The following EPHA4 variants were observed in gnomAD, a reference collection of about 807,000 sequenced individuals.
EPHA4 encodes the protein EPH receptor A4, also known as ephrin type-A receptor 4.
In EPHA4, 19 loss-of-function variants were observed where a neutral mutation model predicts 108.3. The observed-to-expected ratio is 0.18, with a 90% CI of 0.12 to 0.26. The LOEUF (loss-of-function observed/expected upper bound fraction) is 0.26. Among genes scored for constraint, EPHA4 ranks in the 10% least tolerant of loss-of-function variants. The pLI is 1.00. For synonymous variants in EPHA4, 449 were observed against 455.5 expected, an observed-to-expected ratio of 0.99 and a Z score of 0.18; for missense variants, 917 against 1,254.0, an observed-to-expected ratio of 0.73 and a Z score of 4.06.
At chr2:221,551,466 A>T (rs750400416) in intron 3 of EPHA4, among the ~76,000 whole-genome samples, 2 of 152,172 alleles carry the variant, frequency 1.3e-5, no homozygotes, top group Non-Finnish European at 2.9e-5. Flanking sequence ...ACGGTAAAAC[A>T]TTACTTCTCT....
intron 3 of EPHA4, among the ~76,000 whole-genome samples, chr2:221,513,380 C>T (rs1692888640): frequency 6.6e-6 from 1 of 152,172 alleles, no homozygotes; most frequent in Non-Finnish European, 1.5e-5. Flanking sequence ...TGATTAACTC[C>T]GGCAGCAGCA....
intron 5 of EPHA4, among the ~76,000 whole-genome samples, chr2:221,458,342 C>A (rs1691027324): frequency 6.6e-6 from 1 of 152,158 alleles, no homozygotes; most frequent in Non-Finnish European, 1.5e-5. Flanking sequence ...CTTTGGAAGA[C>A]CTCATTTTAA....
intron 3 of EPHA4, among the ~76,000 whole-genome samples, chr2:221,551,724 G>A (rs1298652527): frequency 6.6e-6 from 1 of 152,078 alleles, no homozygotes; most frequent in Non-Finnish European, 1.5e-5. Context: ...TCCTATGGAG[G>A]AAAACTTCCA....
chr2:221,541,256 C>G (rs1055720831), intron 3 of EPHA4, among the ~76,000 whole-genome samples: 5 of 152,108 alleles, frequency 3.3e-5, no homozygotes, highest in African/African-American at 1.2e-4. Context: ...GGACTGAGAA[C>G]TAAGTCTTGC....
At chr2:221,541,139 A>G (rs1229060101) in intron 3 of EPHA4, among the ~76,000 whole-genome samples, 1 of 151,974 alleles carries the variant, frequency 6.6e-6, no homozygotes. Flanking sequence ...CTGTAGAGAC[A>G]AAGTCTTGCT....
chr2:221,418,784 C>T lies in EPHA4; in HGVS notation c.*2588G>A, dbSNP rs957466. Reference sequence around the variant, plus strand: ...CTCGGCCAGGGCTTGCCCACGGGCTCAGACCCAGACCCTGAAGTTGGCCTC... The same window carrying T: ...CTCGGCCAGGGCTTGCCCACGGGCTTAGACCCAGACCCTGAAGTTGGCCTC... On this transcript the variant is annotated 3_prime_UTR_variant, in exon 18 of 18. Coordinates refer to ENST00000281821, the MANE Select transcript of EPHA4 (RefSeq NM_004438.5). 69,777 of 152,010 alleles carry T rather than the reference C, an allele frequency of 0.46. 16,623 individuals carry two copies. Among genetic ancestry groups the T allele is most frequent in the African/African-American group, 0.59 (24,223 of 41,316 alleles). 9.4% of individuals were successfully genotyped at this position (152,010 alleles called of 1,614,324 possible).
At chr2:221,526,486 C>T (rs746825162) in intron 3 of EPHA4, among the ~76,000 whole-genome samples, 5 of 151,692 alleles carry the variant, frequency 3.3e-5, no homozygotes, top group Middle Eastern at 3.4e-3. Flanking sequence ...CTGATATACA[C>T]GTCTCAAAGG....
At chr2:221,498,484 A>T (rs1167342547) in intron 4 of EPHA4, among the ~76,000 whole-genome samples, 3 of 152,214 alleles carry the variant, frequency 2.0e-5, no homozygotes, top group Non-Finnish European at 4.4e-5. Flanking sequence ...AAATATTTAC[A>T]TTGGAAAAGA....
chr2:221,482,787 G>A, intron 4 of EPHA4, 97 bp from the exon 5 acceptor site: 1 of 1,155,214 alleles, frequency 8.7e-7, no homozygotes. Context: ...CCAAAGCAAG[G>A]CAAACCCACT....
At chr2:221,435,847 A>C (rs1010906259) in intron 13 of EPHA4, among the ~76,000 whole-genome samples, 1 of 152,148 alleles carries the variant, frequency 6.6e-6, no homozygotes, top group African/African-American at 2.4e-5. Flanking sequence ...TTTGGTAGCC[A>C]ACCAACTAGA....
At chr2:221,483,528 G>A (rs1415992858) in intron 4 of EPHA4, among the ~76,000 whole-genome samples, 1 of 151,752 alleles carries the variant, frequency 6.6e-6, no homozygotes, top group Non-Finnish European at 1.5e-5. Context: ...GTGTGTGTGT[G>A]TGTGTGTGAT....
chr2:221,555,883 T>C (rs1290031212), intron 3 of EPHA4, among the ~76,000 whole-genome samples: 2 of 152,222 alleles, frequency 1.3e-5, no homozygotes, highest in African/African-American at 4.8e-5. Flanking sequence ...AAATAAAATG[T>C]CATTCTTCTA....
At chr2:221,545,770 C>A (rs1693978913) in intron 3 of EPHA4, among the ~76,000 whole-genome samples, 1 of 152,172 alleles carries the variant, frequency 6.6e-6, no homozygotes. Context: ...GCAGTACACA[C>A]ATTCACATAC....
In EPHA4 at chr2:221,436,628, G is replaced by C; in HGVS notation, c.2137-20C>G. On this transcript the variant is annotated intron_variant, in intron 12 of 17. Coordinates refer to ENST00000281821, the MANE Select transcript of EPHA4 (RefSeq NM_004438.5). ...ATTTTTCTGCATAGAAAAGGAGTGA[G>C]GAACAATCTCATTAGCATTAGGCCA... 6.2e-7 allele frequency: 1 copy of C among 1,610,672 alleles called. No homozygotes were observed. Among genetic ancestry groups the C allele is most frequent in the Non-Finnish European group, 8.5e-7 (1 of 1,177,342 alleles).
At chr2:221,470,583 T>C (rs1691451065) in intron 5 of EPHA4, among the ~76,000 whole-genome samples, 1 of 80,954 alleles carries the variant, frequency 1.2e-5, no homozygotes, top group African/African-American at 5.6e-5. Context: ...GAACCTCTGC[T>C]TTTCCCTAAA....
upstream of EPHA4, chr2:221,573,359 C>A (rs1052502725): frequency 6.6e-6 from 1 of 152,128 alleles, no homozygotes; most frequent in Non-Finnish European, 1.5e-5. This position sits in a 1 kb window ranked among gnomAD's most constrained non-coding sequence, Gnocchi z 4.5. Flanking sequence ...CCGGCTGCTC[C>A]GGCCCCGGGG....
chr2:221,446,109 C>T lies in EPHA4; in HGVS notation c.1774+14G>A, dbSNP rs747141421. 1 of 1,523,288 alleles carries T rather than the reference C, an allele frequency of 6.6e-7. No individual in the cohort carries two copies. The highest frequency in any genetic ancestry group is 8.8e-7 in the Non-Finnish European group (1 of 1,136,278). 94.4% of individuals were successfully genotyped at this position (1,523,288 alleles called of 1,614,324 possible). The stretch of plus-strand genomic sequence containing the variant: ...TGCTCTAAAAATAGAATTTTTTAAT[C>T]CAATTTTTTGTACCTTGATTCAAAT... On this transcript the variant is annotated intron_variant, in intron 9 of 17. Coordinates refer to ENST00000281821, the MANE Select transcript of EPHA4 (RefSeq NM_004438.5).
chr2:221,460,208 A>G lies in EPHA4; in HGVS notation c.1319-2218T>C, dbSNP rs148817367. Among the ~76,000 whole-genome samples, 38 of 152,318 alleles carry G rather than the reference A, an allele frequency of 2.5e-4. No individual in the cohort carries two copies. The East Asian group carries it at 7.3e-3, about 29-fold the overall frequency. Reference sequence around the variant, plus strand: ...TATGCATAAATGTGAAAATAAACCAACAGAGTGTACCTTGACACAGCTGTC... The same window carrying G: ...TATGCATAAATGTGAAAATAAACCAGCAGAGTGTACCTTGACACAGCTGTC... On this transcript the variant is annotated intron_variant, in intron 5 of 17. Transcript: ENST00000281821.
chr2:221,525,092 T>C (rs144280280), intron 3 of EPHA4, among the ~76,000 whole-genome samples: 7 of 152,280 alleles, frequency 4.6e-5, no homozygotes, highest in African/African-American at 1.2e-4. Context: ...ATGCCCATGA[T>C]AGAAATTTCT....
Sources: allele counts gnomAD v4.1 joint callset (sites outside exome capture counted in the v4.1 genomes callset), GRCh38; gene constraint gnomAD v4.1.1; non-coding constraint Gnocchi (gnomAD v3.1); transcripts MANE v1.5; gene names NCBI Gene and HGNC (gene_info 2026-07-23, HGNC 2026-07-21).